The following METTL15 variants were observed in gnomAD, a reference collection of about 807,000 sequenced individuals.
METTL15 encodes the protein 12S rRNA N(4)-cytidine methyltransferase METTL15.
A neutral mutation model predicts 38.3 loss-of-function variants in METTL15; 34 were observed. The ratio of observed to expected loss-of-function variants is 0.89; its 90% CI spans 0.68 to 1.18. METTL15 has a LOEUF of 1.18. METTL15 is among the 50% of genes most tolerant of loss of function. METTL15 has a pLI of 0.00. For synonymous variants in METTL15, 162 were observed against 170.9 expected, an observed-to-expected ratio of 0.95 and a Z score of 0.41; for missense variants, 438 against 498.4, an observed-to-expected ratio of 0.88 and a Z score of 1.15.
At chr11:28,310,370 A>ACG in intron 6 of METTL15, among the ~76,000 whole-genome samples, 2 of 151,890 alleles carry the variant, frequency 1.3e-5, no homozygotes, top group Non-Finnish European at 2.9e-5. Context: ...ACACACACAC[A>ACG]CACACACGCA....
chr11:28,433,170 TTG>T lies in METTL15; in HGVS notation c.*424+8808_*424+8809del, dbSNP rs1491570178. Among the ~76,000 whole-genome samples, 100 of 114,486 alleles carry T rather than the reference TTG, an allele frequency of 8.7e-4. 8 individuals carry two copies. The highest frequency in any genetic ancestry group is 2.4e-3 in the South Asian group (8 of 3,278). 75.1% of individuals were successfully genotyped at this position (114,486 alleles called of 152,430 possible). ...TCTCTCAGGTTTTGTTTTGTTTTTT[TTG>T]TTTTTTTTTGGCTCTGTCATTAGTA... On this transcript the variant is annotated intron_variant and NMD_transcript_variant, in intron 6 of 7. Transcript: ENST00000532947.
chr11:28,445,663 T>G (rs1377646814), intron 6 of METTL15, among the ~76,000 whole-genome samples: 1 of 152,208 alleles, frequency 6.6e-6, no homozygotes, highest in African/African-American at 2.4e-5. Flanking sequence ...TATTTCATTA[T>G]TTTTTTGAGA....
intron 3 of METTL15, among the ~76,000 whole-genome samples, chr11:28,118,977 A>G (rs1372454528): frequency 6.6e-6 from 1 of 152,180 alleles, no homozygotes; most frequent in African/African-American, 2.4e-5. Context: ...GAAATTCAGG[A>G]GAAAAATGCA....
intron 6 of METTL15, among the ~76,000 whole-genome samples, chr11:28,476,358 T>C (rs1564941936): frequency 1.3e-5 from 2 of 152,130 alleles, no homozygotes; most frequent in Non-Finnish European, 2.9e-5. Flanking sequence ...GAGTGTTGAG[T>C]TGTTGTCGAA....
chr11:28,381,532 A>G (rs1590353477), intron 5 of METTL15, among the ~76,000 whole-genome samples: 1 of 152,028 alleles, frequency 6.6e-6, no homozygotes, highest in Non-Finnish European at 1.5e-5. Context: ...TCTTATAGGC[A>G]ATCTTTCTTC....
Position 28,346,988 on chromosome 11 carries a change from C to T in METTL15, c.*190-5102C>T, listed in dbSNP as rs184954022. 9.8e-5 allele frequency among the ~76,000 whole-genome samples: 15 copies of T among 152,328 alleles called. No individual in the cohort carries two copies. The South Asian group carries it at 2.1e-3, about 21-fold the overall frequency. On this transcript the variant is annotated intron_variant and NMD_transcript_variant, in intron 3 of 7. Coordinates refer to the METTL15 transcript ENST00000532947. ...CAGATTGACAAATGTAGTCATGGCT[C>T]AGCTCAAAAATGTCTATGACTCTTG...
intron 3 of METTL15, among the ~76,000 whole-genome samples, chr11:28,339,864 G>A (rs1248229235): frequency 6.6e-6 from 1 of 152,010 alleles, no homozygotes; most frequent in African/African-American, 2.4e-5. Context: ...GGGGGGAAAG[G>A]GGAACTATTC....
chr11:28,351,071 C>T (rs549282720), intron 3 of METTL15, among the ~76,000 whole-genome samples: 21 of 151,798 alleles, frequency 1.4e-4, no homozygotes, highest in Non-Finnish European at 2.5e-4. Context: ...ACTTGTAAAC[C>T]GTATGGAATT....
At chr11:28,341,131 G>C (rs1022930806) in intron 3 of METTL15, among the ~76,000 whole-genome samples, 6 of 152,110 alleles carry the variant, frequency 3.9e-5, no homozygotes, top group African/African-American at 1.4e-4. Context: ...GAGAATACAT[G>C]GACACAGGGA....
chr11:28,250,058 T>G (rs1466444099), intron 4 of METTL15, among the ~76,000 whole-genome samples: 1 of 152,106 alleles, frequency 6.6e-6, no homozygotes, highest in Admixed American at 6.6e-5. Flanking sequence ...ACGATCTTAT[T>G]CTTTTTTATG....
chr11:28,315,493 A>G (rs1304918343), intron 6 of METTL15, among the ~76,000 whole-genome samples: 1 of 152,242 alleles, frequency 6.6e-6, no homozygotes, highest in Non-Finnish European at 1.5e-5. Context: ...TAAGAGAAGC[A>G]GAGCATAAAA....
intron 5 of METTL15, among the ~76,000 whole-genome samples, chr11:28,388,679 C>A (rs1223208384): frequency 6.6e-6 from 1 of 151,960 alleles, no homozygotes; most frequent in Non-Finnish European, 1.5e-5. Context: ...CACAATGACA[C>A]TTTTCTTTTT....
chr11:28,195,290 T>A (rs1851869028), intron 3 of METTL15, among the ~76,000 whole-genome samples: 1 of 152,134 alleles, frequency 6.6e-6, no homozygotes, highest in East Asian at 1.9e-4. Context: ...GAAATCTCCA[T>A]GCTGTTTTCC....
intron 3 of METTL15, among the ~76,000 whole-genome samples, chr11:28,183,900 G>A (rs574493395): frequency 1.3e-5 from 2 of 152,076 alleles, no homozygotes; most frequent in East Asian, 3.9e-4. Context: ...GACTTTTTTG[G>A]TTGGTAGGCT....
chr11:28,459,909 T>G (rs2133454337), intron 6 of METTL15, among the ~76,000 whole-genome samples: 1 of 152,220 alleles, frequency 6.6e-6, no homozygotes, highest in South Asian at 2.1e-4. Context: ...CTTCTGTTGG[T>G]GTTAATTTCT....
Position 28,111,215 on chromosome 11 carries a change from CAT to C in METTL15, c.-18+816_-18+817del, listed in dbSNP as rs1851703063. Among the ~76,000 whole-genome samples the C allele has an allele frequency of 2.0e-5, 3 of 152,272 alleles. No individual in the cohort carries two copies. In the South Asian group the frequency reaches 6.2e-4, roughly 32 times the overall value. On this transcript the variant is annotated intron_variant, in intron 2 of 6. Transcript: ENST00000407364. ...TGCCTTGACCATAGTTGAATAAACACATAGAGACTGAATGCAATAGAAAAAAA... is the reference window on the plus strand; with the variant it reads ...TGCCTTGACCATAGTTGAATAAACACAGAGACTGAATGCAATAGAAAAAAA...
chr11:28,300,309 A>G (rs1856869620), intron 6 of METTL15, among the ~76,000 whole-genome samples: 1 of 152,172 alleles, frequency 6.6e-6, no homozygotes. Flanking sequence ...ACAGTTCCAG[A>G]CACATATTAA....
At chr11:28,185,050 T>G (rs1386696128) in intron 3 of METTL15, among the ~76,000 whole-genome samples, 1 of 151,540 alleles carries the variant, frequency 6.6e-6, no homozygotes, top group Non-Finnish European at 1.5e-5. Flanking sequence ...GATATTGCAT[T>G]TTTAAAAATT....
intron 4 of METTL15, among the ~76,000 whole-genome samples, chr11:28,281,711 A>G (rs1240499591): frequency 1.3e-5 from 2 of 152,200 alleles, no homozygotes; most frequent in East Asian, 1.9e-4. Flanking sequence ...TCAGGTGACT[A>G]GAAAAGTGCC....
Sources: gnomAD v4.1 joint callset for allele counts (sites outside exome capture counted in the v4.1 genomes callset) on GRCh38, gnomAD v4.1.1 for gene constraint, MANE v1.5 for transcripts, NCBI Gene and HGNC (gene_info 2026-07-23, HGNC 2026-07-21) for gene names.